The following CDC42SE2 variants were observed in gnomAD, a reference collection of about 807,000 sequenced individuals.
CDC42SE2 encodes CDC42 small effector 2, also known as CDC42 small effector protein 2.
In CDC42SE2, 3 loss-of-function variants were observed where a neutral mutation model predicts 11.5. The ratio of observed to expected loss-of-function variants is 0.26; its 90% CI spans 0.12 to 0.67. The LOEUF is 0.67. Ranked by LOEUF, CDC42SE2 falls within the 30% of genes least tolerant of loss-of-function variation. CDC42SE2 has a pLI of 0.80. For missense variants in CDC42SE2, 82 were observed against 106.8 expected (o/e 0.77, Z 1.02); for synonymous variants, 33 against 34.8 (o/e 0.95, Z 0.18).
upstream of CDC42SE2, among the ~76,000 whole-genome samples, chr5:131,260,616 C>T (rs1382899491): frequency 1.7e-5 from 2 of 119,948 alleles, no homozygotes; most frequent in Non-Finnish European, 3.2e-5. Flanking sequence ...CAGAGCGAGA[C>T]GCTCTCTCAA....
At chr5:131,361,376 G>C (rs1185255924) in intron 3 of CDC42SE2, among the ~76,000 whole-genome samples, 1 of 152,084 alleles carries the variant, frequency 6.6e-6, no homozygotes, top group Non-Finnish European at 1.5e-5. Flanking sequence ...ACTGAAACGG[G>C]AAAAGTTCCC....
At chr5:131,292,240 CAAAAAAAAAA>C (rs1202956370) in intron 1 of CDC42SE2, among the ~76,000 whole-genome samples, 1 of 25,604 alleles carries the variant, frequency 3.9e-5, no homozygotes, top group African/African-American at 1.2e-4. Flanking sequence ...TCTGTCTCAC[CAAAAAAAAAA>C]AAAAAAAAAA....
Position 131,359,367 on chromosome 5 carries a change from C to A in CDC42SE2, c.-127C>A. On this transcript the variant is annotated 5_prime_UTR_variant, in exon 3 of 5. Coordinates refer to ENST00000505065, the MANE Select transcript of CDC42SE2 (RefSeq NM_001375635.1). ...GATACTTGACTTCCAGGAACAAAAA[C>A]ACGGTGAAATAATAAAATTTCATCT... 2.6e-6 allele frequency: 2 copies of A among 778,184 alleles called. No individual in the cohort carries two copies. The highest frequency in any genetic ancestry group is 2.3e-4 in the Middle Eastern group (1 of 4,284). The allele number at this position is 778,184 out of a possible 1,614,324, so 48.2% of individuals were successfully genotyped here.
At chr5:131,342,252 C>A (rs1758727811) in intron 2 of CDC42SE2, among the ~76,000 whole-genome samples, 1 of 136,520 alleles carries the variant, frequency 7.3e-6, no homozygotes, top group Non-Finnish European at 1.5e-5. Context: ...TGCACTCCAG[C>A]CTGGTGACAG....
chr5:131,367,666 T>G (rs1316066320), intron 3 of CDC42SE2, among the ~76,000 whole-genome samples: 1 of 152,240 alleles, frequency 6.6e-6, no homozygotes, highest in Non-Finnish European at 1.5e-5. Flanking sequence ...TCATGTCTTT[T>G]GTACATTTTT....
chr5:131,280,465 G>T lies in CDC42SE2; in HGVS notation c.-455+16299G>T, dbSNP rs147668723. Among the ~76,000 whole-genome samples the T allele has an allele frequency of 4.1e-3, 629 of 152,280 alleles. 4 individuals are homozygous for T. Among genetic ancestry groups the T allele is most frequent in the African/African-American group, 0.013 (545 of 41,570 alleles). On this transcript the variant is annotated intron_variant, in intron 1 of 4. Transcript: ENST00000505065. ...CTTTTTATTACTTCAGTTTGAAAGGGTCATATTGGAAAGTGAAAATTCTGT... is the reference window on the plus strand; with the variant it reads ...CTTTTTATTACTTCAGTTTGAAAGGTTCATATTGGAAAGTGAAAATTCTGT...
At chr5:131,383,349 CT>C (rs1750378808) in intron 3 of CDC42SE2, among the ~76,000 whole-genome samples, 1 of 152,132 alleles carries the variant, frequency 6.6e-6, no homozygotes, top group Non-Finnish European at 1.5e-5. Context: ...CCATTTTAAC[CT>C]GCAAGTTTTA....
the CDC42SE2 span, among the ~76,000 whole-genome samples, chr5:131,227,321 A>G: frequency 6.6e-6 from 1 of 152,298 alleles, no homozygotes; most frequent in South Asian, 2.1e-4. Flanking sequence ...GAAAGACTTT[A>G]CATCTGTTAA....
At chr5:131,350,782 C>T (rs1480186498) in intron 2 of CDC42SE2, among the ~76,000 whole-genome samples, 2 of 151,504 alleles carry the variant, frequency 1.3e-5, no homozygotes, top group Admixed American at 6.6e-5. Context: ...ATGCAAAGGA[C>T]CTAGAAAACT....
chr5:131,234,343 A>G, the CDC42SE2 span, among the ~76,000 whole-genome samples: 21 of 152,126 alleles, frequency 1.4e-4, no homozygotes, highest in Non-Finnish European at 2.9e-4. Flanking sequence ...ATAAATACAT[A>G]GATAGATAGA....
chr5:131,345,208 A>C (rs540371606), intron 2 of CDC42SE2, among the ~76,000 whole-genome samples: 2 of 152,012 alleles, frequency 1.3e-5, no homozygotes, highest in African/African-American at 4.8e-5. Context: ...AACTTCTCCG[A>C]GCTAAAGGAG....
intron 2 of CDC42SE2, among the ~76,000 whole-genome samples, chr5:131,320,353 C>T (rs185601781): frequency 1.3e-5 from 2 of 151,216 alleles, no homozygotes; most frequent in Non-Finnish European, 2.9e-5. Context: ...GATTGTGCCA[C>T]TGTACTCCAG....
chr5:131,285,792 A>T lies in CDC42SE2; in HGVS notation c.-455+21626A>T, dbSNP rs527247493. 4.6e-5 allele frequency among the ~76,000 whole-genome samples: 7 copies of T among 152,292 alleles called. No homozygotes were observed. In the South Asian group the frequency reaches 1.4e-3, roughly 32 times the overall value. On this transcript the variant is annotated intron_variant, in intron 1 of 4. Transcript: ENST00000505065. ...CTGTGACTGAGAGGTCAGGAAACAA[A>T]CTGGTAAGTAGTCATAGGAACACTG...
chr5:131,346,510 T>G (rs775273195), intron 2 of CDC42SE2, among the ~76,000 whole-genome samples: 12 of 152,190 alleles, frequency 7.9e-5, no homozygotes, highest in Non-Finnish European at 1.8e-4. Context: ...AAGCAAGTCC[T>G]TAGAGACCTA....
intron 3 of CDC42SE2, among the ~76,000 whole-genome samples, chr5:131,363,745 G>C (rs1203680456): frequency 1.4e-5 from 2 of 146,462 alleles, no homozygotes; most frequent in African/African-American, 5.1e-5. Flanking sequence ...TCCCAAGCTG[G>C]AGTGCAGTGG....
At chr5:131,340,476 A>C (rs1758685590) in intron 2 of CDC42SE2, among the ~76,000 whole-genome samples, 1 of 152,158 alleles carries the variant, frequency 6.6e-6, no homozygotes. Context: ...CATGGTTAAG[A>C]GGGAACTACT....
At chr5:131,262,336 A>G (rs1181721335), upstream of CDC42SE2, among the ~76,000 whole-genome samples, 1 of 152,202 alleles carries the variant, frequency 6.6e-6, no homozygotes, top group Non-Finnish European at 1.5e-5. Context: ...CAGTAACTGG[A>G]AAATCAAAAT....
chr5:131,389,331 G>C (rs1214513256), intron 4 of CDC42SE2, among the ~76,000 whole-genome samples: 2 of 152,096 alleles, frequency 1.3e-5, no homozygotes, highest in African/African-American at 4.8e-5. Flanking sequence ...GCAAGTTTAT[G>C]TTTAAAAAAC....
rs1750750513 is a variant in CDC42SE2, at chr5:131,393,815, CTGT to C, written c.*2726_*2728del. 1 of 142,612 alleles carries C rather than the reference CTGT, an allele frequency of 7.0e-6. No individual in the cohort carries two copies. The highest frequency in any genetic ancestry group is 2.7e-5 in the African/African-American group (1 of 37,068). The allele number at this position is 142,612 out of a possible 1,614,324, so 8.8% of individuals were successfully genotyped here. A position where few individuals can be genotyped will look rare whatever the true frequency, so the allele number is the denominator to read the frequency against. ...ATGATTTTAGTCTTTTTCCAAATCG[CTGT>C]TTTTTTTTTTTTTTTTTTTTTTTTT... On this transcript the variant is annotated 3_prime_UTR_variant, in exon 5 of 5. Coordinates refer to ENST00000505065, the MANE Select transcript of CDC42SE2 (RefSeq NM_001375635.1).
Sources: allele counts gnomAD v4.1 joint callset (sites outside exome capture counted in the v4.1 genomes callset), GRCh38; gene constraint gnomAD v4.1.1; transcripts MANE v1.5; gene names NCBI Gene and HGNC (gene_info 2026-07-23, HGNC 2026-07-21).